The following DOK6 variants were observed in gnomAD, a reference collection of about 807,000 sequenced individuals.
DOK6 encodes the protein docking protein 6, also known as downstream of tyrosine kinase 6.
Under a neutral mutation model 44.0 loss-of-function variants are expected in DOK6, and 22 were observed. The ratio of observed to expected loss-of-function variants is 0.50; its 90% confidence interval spans 0.36 to 0.71. The LOEUF (loss-of-function observed/expected upper bound fraction) is 0.71. DOK6 is among the 30% of genes least tolerant of loss of function. The probability of loss-of-function intolerance (pLI) is 0.00; values close to 1 mark genes in which losing one functional copy is unlikely to be tolerated. For missense variants in DOK6, 340 were observed against 416.4 expected (o/e 0.82, Z 1.60); for synonymous variants, 166 against 145.5 (o/e 1.14, Z -1.01).
chr18:69,431,812 T>C (rs567406593), intron 1 of DOK6, among the ~76,000 whole-genome samples: 1 of 152,350 alleles, frequency 6.6e-6, no homozygotes, highest in South Asian at 2.1e-4. Flanking sequence ...TTTGTAACTT[T>C]TTAATTTGAG....
At chr18:69,730,608 A>G (rs1162909649) in intron 5 of DOK6, among the ~76,000 whole-genome samples, 1 of 151,986 alleles carries the variant, frequency 6.6e-6, no homozygotes, top group Non-Finnish European at 1.5e-5. Context: ...TTCGATGAAG[A>G]TTGTTTTAAG....
chr18:69,520,067 G>A (rs956365075), intron 1 of DOK6, among the ~76,000 whole-genome samples: 1 of 151,662 alleles, frequency 6.6e-6, no homozygotes. Context: ...ATTTTCTTCA[G>A]TGCAGAGGAA....
In DOK6 at chr18:69,745,708, A is replaced by G. The variant is rs1046086028; in HGVS notation, c.738+6605A>G. ...AAGTTACGTTCTCTGTGCTTCAGTT[A>G]CCTGTACTTAAAAGGTGTTGAGTGA... is the stretch of plus-strand genomic sequence containing the variant. On this transcript the variant is annotated intron_variant, in intron 6 of 7. Transcript: ENST00000382713. Among the ~76,000 whole-genome samples, 12 of 152,322 alleles carry G rather than the reference A, an allele frequency of 7.9e-5. No homozygotes were observed. The South Asian group carries it at 2.5e-3, about 32-fold the overall frequency.
Position 69,719,998 on chromosome 18 carries a change from T to C in DOK6, c.600-18967T>C, listed in dbSNP as rs537718709. 5.3e-4 allele frequency among the ~76,000 whole-genome samples: 80 copies of C among 152,284 alleles called. 1 individual carries two copies. The highest frequency in any genetic ancestry group is 8.8e-4 in the Non-Finnish European group (60 of 68,022). ...TGAGGTCAAGAGTTCGAGACCACCCTGGGCTACATGGTGAAACCCATCTCT... is the reference window on the plus strand; with the variant it reads ...TGAGGTCAAGAGTTCGAGACCACCCCGGGCTACATGGTGAAACCCATCTCT... On this transcript the variant is annotated intron_variant, in intron 5 of 7. Coordinates refer to ENST00000382713, the MANE Select transcript of DOK6 (RefSeq NM_152721.6).
intron 3 of DOK6, among the ~76,000 whole-genome samples, chr18:69,659,514 T>C (rs1338180591): frequency 6.6e-6 from 1 of 152,196 alleles, no homozygotes; most frequent in African/African-American, 2.4e-5. Context: ...TTGCTCACGT[T>C]TGCCAGCTGA....
intron 1 of DOK6, among the ~76,000 whole-genome samples, chr18:69,519,051 C>G (rs1014626882): frequency 1.3e-5 from 2 of 151,964 alleles, no homozygotes; most frequent in African/African-American, 2.4e-5. Flanking sequence ...AAATTACCAA[C>G]AGCATATTGT....
intron 1 of DOK6, among the ~76,000 whole-genome samples, chr18:69,461,589 G>A (rs2122475121): frequency 6.6e-6 from 1 of 152,196 alleles, no homozygotes; most frequent in East Asian, 1.9e-4. Flanking sequence ...ATCTATTAAT[G>A]TTATGCTTTC....
intron 7 of DOK6, among the ~76,000 whole-genome samples, chr18:69,835,251 A>G (rs547863461): frequency 1.3e-5 from 2 of 152,252 alleles, no homozygotes; most frequent in East Asian, 3.9e-4. Flanking sequence ...TCACGAGGTC[A>G]GGAGATCAAG....
intron 3 of DOK6, among the ~76,000 whole-genome samples, chr18:69,670,958 C>T (rs1267274873): frequency 1.3e-5 from 2 of 152,020 alleles, no homozygotes; most frequent in African/African-American, 4.8e-5. Context: ...ATCCAATTCC[C>T]ATCTTTGCCT....
chr18:69,636,873 A>G (rs1219041990), intron 3 of DOK6, among the ~76,000 whole-genome samples: 1 of 152,184 alleles, frequency 6.6e-6, no homozygotes, highest in African/African-American at 2.4e-5. Context: ...TGAAAGGCCA[A>G]AAAAAAGGAT....
At chr18:69,834,295 C>T (rs1480025452) in intron 7 of DOK6, among the ~76,000 whole-genome samples, 2 of 152,100 alleles carry the variant, frequency 1.3e-5, no homozygotes, top group African/African-American at 4.8e-5. Context: ...AAATATTACA[C>T]GTTCTCACTC....
chr18:69,487,989 T>C (rs1232730372), intron 1 of DOK6, among the ~76,000 whole-genome samples: 9 of 152,184 alleles, frequency 5.9e-5, no homozygotes, highest in Non-Finnish European at 1.3e-4. Flanking sequence ...TAAAATGCCA[T>C]GGACTGGGCA....
At chr18:69,524,499 G>T (rs998719112) in intron 1 of DOK6, among the ~76,000 whole-genome samples, 1 of 151,940 alleles carries the variant, frequency 6.6e-6, no homozygotes, top group African/African-American at 2.4e-5. Flanking sequence ...GACTAGAGGA[G>T]TGTGGACAAT....
chr18:69,728,774 G>A (rs1599290698), intron 5 of DOK6, among the ~76,000 whole-genome samples: 1 of 152,164 alleles, frequency 6.6e-6, no homozygotes, highest in Admixed American at 6.5e-5. Context: ...CTACAAGCTG[G>A]TTCAGAGAGT....
chr18:69,604,025 T>G (rs1983939465), intron 3 of DOK6, among the ~76,000 whole-genome samples: 1 of 152,110 alleles, frequency 6.6e-6, no homozygotes, highest in Non-Finnish European at 1.5e-5. Flanking sequence ...CATTCTTCAT[T>G]GAAAATGACA....
intron 1 of DOK6, among the ~76,000 whole-genome samples, chr18:69,427,825 C>T (rs546555403): frequency 1.5e-4 from 23 of 151,486 alleles, no homozygotes; most frequent in African/African-American, 3.9e-4. Flanking sequence ...TCACCCAGGC[C>T]GGAGTACAAT....
intron 1 of DOK6, among the ~76,000 whole-genome samples, chr18:69,488,906 GA>G (rs1402542094): frequency 3.3e-5 from 5 of 152,172 alleles, no homozygotes; most frequent in African/African-American, 1.2e-4. Flanking sequence ...ACTACAGCCA[GA>G]ACTCCTGTTT....
chr18:69,771,992 C>T (rs80323525), intron 7 of DOK6, among the ~76,000 whole-genome samples: 4,601 of 146,168 alleles, frequency 0.031, 128 homozygotes, highest in East Asian at 0.09. Flanking sequence ...TTCTAGGCAA[C>T]ACACTGAGAC....
At chr18:69,480,955 G>A (rs1373859166) in intron 1 of DOK6, among the ~76,000 whole-genome samples, 1 of 152,132 alleles carries the variant, frequency 6.6e-6, no homozygotes, top group Non-Finnish European at 1.5e-5. Flanking sequence ...GGCCAGAGAA[G>A]CCCAATATAT....
Sources: gnomAD v4.1 joint callset for allele counts (sites outside exome capture counted in the v4.1 genomes callset) on GRCh38, gnomAD v4.1.1 for gene constraint, MANE v1.5 for transcripts, NCBI Gene and HGNC (gene_info 2026-07-23, HGNC 2026-07-21) for gene names.